DCDC2: variants seen among roughly 807,000 people sequenced by gnomAD.
DCDC2 encodes doublecortin domain containing 2, also known as doublecortin domain-containing protein 2.
A neutral mutation model predicts 50.2 loss-of-function variants in DCDC2; 40 were observed. The observed-to-expected ratio is 0.80, with a 90% CI of 0.62 to 1.04. The LOEUF (loss-of-function observed/expected upper bound fraction) is 1.04, where lower values mean the gene tolerates loss of function less well. Among genes scored for constraint, DCDC2 ranks in the 50% least tolerant of loss-of-function variants. The pLI is 0.00. For missense variants in DCDC2, 570 were observed against 581.9 expected, an observed-to-expected ratio of 0.98 and a Z score of 0.21; for synonymous variants, 234 against 210.6, an observed-to-expected ratio of 1.11 and a Z score of -0.96.
chr6:24,261,203 GC>G (rs1373871826), intron 7 of DCDC2, among the ~76,000 whole-genome samples: 1 of 63,350 alleles, frequency 1.6e-5, no homozygotes, highest in Non-Finnish European at 3.7e-5. Flanking sequence ...CCATTTTCTT[GC>G]TTTTTTTTTT....
chr6:24,240,447 T>C (rs546543560), intron 7 of DCDC2, among the ~76,000 whole-genome samples: 1 of 152,342 alleles, frequency 6.6e-6, no homozygotes, highest in South Asian at 2.1e-4. Flanking sequence ...TGGTAGACTA[T>C]TACAAAACAT....
upstream of DCDC2, among the ~76,000 whole-genome samples, chr6:24,361,072 C>CT (rs971995405): frequency 6.6e-6 from 1 of 151,674 alleles, no homozygotes; most frequent in African/African-American, 2.4e-5. Flanking sequence ...TGGAGAGAAA[C>CT]TTTTTTTTTC....
At chr6:24,344,699 C>G (rs959236352) in intron 2 of DCDC2, among the ~76,000 whole-genome samples, 1 of 152,208 alleles carries the variant, frequency 6.6e-6, no homozygotes, top group Non-Finnish European at 1.5e-5. Context: ...TGTTCAAACA[C>G]ACATACACGC....
At chr6:24,183,190 C>T (rs192572002) in intron 8 of DCDC2, among the ~76,000 whole-genome samples, 30 of 152,122 alleles carry the variant, frequency 2.0e-4, no homozygotes, top group East Asian at 3.9e-4. Context: ...TTTTGCAAGA[C>T]GAAAAGAGGT....
At chr6:24,237,186 TA>T (rs60077867) in intron 7 of DCDC2, among the ~76,000 whole-genome samples, 76,706 of 146,780 alleles carry the variant, frequency 0.52, 22,032 homozygotes, top group African/African-American at 0.8. Flanking sequence ...CATGAAAAGG[TA>T]AAAAAAAAAA....
chr6:24,312,196 A>G (rs1211076382), intron 2 of DCDC2, among the ~76,000 whole-genome samples: 4 of 151,238 alleles, frequency 2.6e-5, no homozygotes, highest in Non-Finnish European at 5.9e-5. Flanking sequence ...ATCCTGTAAA[A>G]CTGCCTCACC....
intron 7 of DCDC2, among the ~76,000 whole-genome samples, chr6:24,225,774 TTG>T (rs1282097670): frequency 6.6e-6 from 1 of 152,238 alleles, no homozygotes; most frequent in African/African-American, 2.4e-5. Context: ...AAATTATTTT[TTG>T]TTTTTTAATT....
chr6:24,354,022 A>T (rs181404917), intron 1 of DCDC2, among the ~76,000 whole-genome samples: 31 of 152,326 alleles, frequency 2.0e-4, no homozygotes, highest in Non-Finnish European at 3.2e-4. Context: ...GATAGCGTGC[A>T]TTAGGGTAAC....
At chr6:24,252,113 C>T (rs1485304212) in intron 7 of DCDC2, among the ~76,000 whole-genome samples, 1 of 152,160 alleles carries the variant, frequency 6.6e-6, no homozygotes, top group Non-Finnish European at 1.5e-5. Flanking sequence ...AGCTTTCCTG[C>T]CTCTGGATTT....
At chr6:24,302,454 C>T (rs1208429307) in intron 2 of DCDC2, among the ~76,000 whole-genome samples, 4 of 152,048 alleles carry the variant, frequency 2.6e-5, no homozygotes, top group Non-Finnish European at 5.9e-5. Flanking sequence ...TTTCCTTTCC[C>T]ATTCCCATGC....
chr6:24,300,938 C>G lies in DCDC2; in HGVS notation c.557+777G>C, dbSNP rs534252833. On this transcript the variant is annotated intron_variant, in intron 4 of 9. Transcript: ENST00000378454. ...TTTTGACTTCTTACATTTAGACAAC[C>G]CCACTAAATTATTCTTTCTATGCCT... is the stretch of plus-strand genomic sequence containing the variant. 1.2e-3 allele frequency among the ~76,000 whole-genome samples: 177 copies of G among 152,160 alleles called. 1 individual carries two copies. The highest frequency in any genetic ancestry group is 1.6e-3 in the Non-Finnish European group (112 of 68,010).
chr6:24,230,131 T>G lies in DCDC2; in HGVS notation c.923-25029A>C, dbSNP rs188504004. Among the ~76,000 whole-genome samples, 321 of 152,362 alleles carry G rather than the reference T, an allele frequency of 2.1e-3. 2 individuals carry two copies. Among genetic ancestry groups the G allele is most frequent in the African/African-American group, 6.4e-3 (267 of 41,586 alleles). On this transcript the variant is annotated intron_variant, in intron 7 of 9. Transcript: ENST00000378454. The stretch of plus-strand genomic sequence containing the variant: ...AATCTTATTTTAATTCAACAATGTT[T>G]ACTGAGCATCATGTTAAAGACACTT...
chr6:24,219,118 G>A (rs1331876597), intron 7 of DCDC2, among the ~76,000 whole-genome samples: 2 of 152,140 alleles, frequency 1.3e-5, no homozygotes, highest in Non-Finnish European at 2.9e-5. Flanking sequence ...TTATTTTGTT[G>A]TTATATTTTA....
At chr6:24,256,543 C>A (rs1340699) in intron 7 of DCDC2, among the ~76,000 whole-genome samples, 7,878 of 152,140 alleles carry the variant, frequency 0.052, 266 homozygotes, top group Middle Eastern at 0.075. Flanking sequence ...GATGAGAAGA[C>A]TCTCCAAATG....
At chr6:24,324,470 T>C (rs1759824650) in intron 2 of DCDC2, among the ~76,000 whole-genome samples, 1 of 152,196 alleles carries the variant, frequency 6.6e-6, no homozygotes, top group Non-Finnish European at 1.5e-5. Context: ...ACTGAGTGTG[T>C]CTCACTTGTT....
chr6:24,174,969 CTTTG>C, intron 9 of DCDC2, 135 bp from the exon 10 acceptor site: 1 of 488,160 alleles, frequency 2.0e-6, no homozygotes. Flanking sequence ...CTGGGGTTCC[CTTTG>C]TTTTTTTGTC....
In DCDC2 at chr6:24,278,422, G is replaced by T. The variant is rs77339569; in HGVS notation, c.760-211C>A. On this transcript the variant is annotated intron_variant, in intron 6 of 9. Coordinates refer to ENST00000378454, the MANE Select transcript of DCDC2 (RefSeq NM_016356.5). ...GAGAGGAAGGAGGATAAAAATAATA[G>T]CTAACAATCATTGGGTTCTTAATAT... Among the ~76,000 whole-genome samples the T allele has an allele frequency of 3.9e-4, 59 of 152,208 alleles. 1 individual carries two copies. In the East Asian group the frequency reaches 0.011, roughly 28 times the overall value.
chr6:24,203,289 T>C (rs1333084535), intron 8 of DCDC2, among the ~76,000 whole-genome samples: 1 of 152,132 alleles, frequency 6.6e-6, no homozygotes, highest in Non-Finnish European at 1.5e-5. Context: ...AAAACAGATA[T>C]ATAGACCAAC....
At chr6:24,178,971 T>C (rs1183400373) in intron 8 of DCDC2, among the ~76,000 whole-genome samples, 2 of 151,922 alleles carry the variant, frequency 1.3e-5, no homozygotes, top group Admixed American at 6.6e-5. Context: ...GTAACCCCCA[T>C]GGCAGATAGA....
Sources: allele counts gnomAD v4.1 joint callset (sites outside exome capture counted in the v4.1 genomes callset), GRCh38; gene constraint gnomAD v4.1.1; transcripts MANE v1.5; gene names NCBI Gene and HGNC (gene_info 2026-07-23, HGNC 2026-07-21).